The following EPHB2 variants were observed in gnomAD, a reference collection of about 807,000 sequenced individuals.
EPHB2 encodes EPH receptor B2.
Under a neutral mutation model 96.4 loss-of-function variants are expected in EPHB2, and 18 were observed. The observed-to-expected ratio is 0.19, with a 90% CI of 0.13 to 0.28. The LOEUF (loss-of-function observed/expected upper bound fraction) is 0.28. Among genes scored for constraint, EPHB2 ranks in the 10% least tolerant of loss-of-function variants. The probability of loss-of-function intolerance (pLI) is 1.00; values close to 1 mark genes in which losing one functional copy is unlikely to be tolerated. For missense variants in EPHB2, 989 were observed against 1,355.4 expected, an observed-to-expected ratio of 0.73 and a Z score of 4.25; for synonymous variants, 506 against 534.1, an observed-to-expected ratio of 0.95 and a Z score of 0.72.
At chr1:22,898,056 T>C (rs1472684801) in intron 9 of EPHB2, among the ~76,000 whole-genome samples, 1 of 147,764 alleles carries the variant, frequency 6.8e-6, no homozygotes, top group South Asian at 2.1e-4. Context: ...TGAGCCGAGG[T>C]TGCAGTGAGC....
intron 1 of EPHB2, among the ~76,000 whole-genome samples, chr1:22,736,165 G>A (rs1643823215): frequency 6.6e-6 from 1 of 152,196 alleles, no homozygotes; most frequent in Admixed American, 6.5e-5. Flanking sequence ...GAGTCGGGGG[G>A]CTGTGGAAGA....
chr1:22,756,214 G>C (rs1644147564), intron 1 of EPHB2, among the ~76,000 whole-genome samples: 1 of 152,172 alleles, frequency 6.6e-6, no homozygotes, highest in Non-Finnish European at 1.5e-5. Context: ...GCCCTGGGGA[G>C]CGACAGGCAG....
chr1:22,727,448 A>G (rs1443753564), intron 1 of EPHB2, among the ~76,000 whole-genome samples: 1 of 151,844 alleles, frequency 6.6e-6, no homozygotes, highest in Non-Finnish European at 1.5e-5. Flanking sequence ...TGCCCACTTC[A>G]CTCCTTGAGC....
At chr1:22,761,736 G>T (rs369238539) in intron 1 of EPHB2, among the ~76,000 whole-genome samples, 129 of 152,336 alleles carry the variant, frequency 8.5e-4, no homozygotes, top group African/African-American at 3.0e-3. Flanking sequence ...CCAATGCCCA[G>T]TTGAAGCAGT....
intron 3 of EPHB2, among the ~76,000 whole-genome samples, chr1:22,797,741 C>T (rs1644787644): frequency 6.6e-6 from 1 of 152,134 alleles, no homozygotes; most frequent in Non-Finnish European, 1.5e-5. Flanking sequence ...AAGCCAAGCT[C>T]CTAAAAATGG....
intron 1 of EPHB2, chr1:22,774,755 C>A: frequency 6.2e-6 from 2 of 324,126 alleles, no homozygotes; most frequent in Non-Finnish European, 8.9e-6. Flanking sequence ...AGGAACATCA[C>A]CCAGCTGCTG....
chr1:22,805,765 C>G (rs1340204850), intron 3 of EPHB2, among the ~76,000 whole-genome samples: 1 of 152,170 alleles, frequency 6.6e-6, no homozygotes, highest in Non-Finnish European at 1.5e-5. Flanking sequence ...GGAGAGGGAG[C>G]TCACTAGCGC....
chr1:22,873,319 G>A (rs1441583013), intron 5 of EPHB2, among the ~76,000 whole-genome samples: 1 of 152,168 alleles, frequency 6.6e-6, no homozygotes, highest in African/African-American at 2.4e-5. Flanking sequence ...CCCTGGAGGG[G>A]ACAACTGGAG....
rs916713865 is a variant in EPHB2, at chr1:22,720,660, T to TCC, written c.61+9629_61+9630dup. Among the ~76,000 whole-genome samples the TCC allele has an allele frequency of 4.8e-3, 273 of 57,308 alleles. 3 individuals are homozygous for TCC. The highest frequency in any genetic ancestry group is 0.015 in the African/African-American group (234 of 16,136). 37.6% of individuals were successfully genotyped at this position (57,308 alleles called of 152,430 possible). On this transcript the variant is annotated intron_variant, in intron 1 of 15. Transcript: ENST00000374630. ...GGCAACAGGAAGCCAGAAATCTCAT[T>TCC]CCCCCCCCCCCCCGCCCCAGCACTT...
chr1:22,884,115 G>C (rs1639143989), intron 6 of EPHB2, among the ~76,000 whole-genome samples: 3 of 152,174 alleles, frequency 2.0e-5, no homozygotes, highest in African/African-American at 7.2e-5. Flanking sequence ...ACCGCATGCG[G>C]GCGGAGGGTG....
At chr1:22,810,751 A>T (rs576339488) in intron 3 of EPHB2, among the ~76,000 whole-genome samples, 38 of 152,148 alleles carry the variant, frequency 2.5e-4, no homozygotes, top group Non-Finnish European at 3.4e-4. Flanking sequence ...TCCCACTCCC[A>T]TCCAGGCCCC....
rs1644669719 is a variant in EPHB2 at position 22,790,064 on chromosome 1, T to G, written c.811+4988T>G. ...AGAATATGAGGAAAAAGCCATCTTG[T>G]ATGACTGGGTATCTCAGAAGGCTTC... On this transcript the variant is annotated intron_variant, in intron 3 of 15. Transcript: ENST00000374630. This position sits in a 1 kb window ranked among gnomAD's most constrained non-coding sequence, Gnocchi z 4.0. Among the ~76,000 whole-genome samples, 1 of 152,136 alleles carries G rather than the reference T, an allele frequency of 6.6e-6. No homozygotes were observed. Among genetic ancestry groups the G allele is most frequent in the Non-Finnish European group, 1.5e-5 (1 of 68,008 alleles).
At chr1:22,714,173 C>T (rs889485750) in intron 1 of EPHB2, among the ~76,000 whole-genome samples, 5 of 152,134 alleles carry the variant, frequency 3.3e-5, no homozygotes, top group African/African-American at 7.2e-5. Context: ...AAAGAGTGGG[C>T]GAGACAGAGC....
At chr1:22,800,531 T>G (rs1252861872) in intron 3 of EPHB2, among the ~76,000 whole-genome samples, 1 of 152,200 alleles carries the variant, frequency 6.6e-6, no homozygotes, top group Non-Finnish European at 1.5e-5. Flanking sequence ...CCACTGCTGT[T>G]GAGTACGCTC....
chr1:22,827,192 C>A (rs1645236914), intron 3 of EPHB2, among the ~76,000 whole-genome samples: 1 of 152,246 alleles, frequency 6.6e-6, no homozygotes, highest in Admixed American at 6.5e-5. Flanking sequence ...GACCAGGCCA[C>A]CTGCAGAGAG....
chr1:22,869,130 G>T (rs573529547), intron 5 of EPHB2, among the ~76,000 whole-genome samples: 1 of 151,646 alleles, frequency 6.6e-6, no homozygotes, highest in South Asian at 2.1e-4. Flanking sequence ...CAAGCCCCTT[G>T]TCTTACAGCT....
chr1:22,751,774 C>A (rs111577355), intron 1 of EPHB2, among the ~76,000 whole-genome samples: 2,946 of 152,286 alleles, frequency 0.019, 104 homozygotes, highest in African/African-American at 0.067. Flanking sequence ...CACAGAAAGG[C>A]GGGAATGATG....
At chr1:22,736,922 C>T (rs1012242882) in intron 1 of EPHB2, among the ~76,000 whole-genome samples, 1 of 152,116 alleles carries the variant, frequency 6.6e-6, no homozygotes, top group African/African-American at 2.4e-5. Flanking sequence ...TCGGATCAGC[C>T]GCCACCTTGG....
At chr1:22,874,883 G>A (rs1638788092) in intron 5 of EPHB2, among the ~76,000 whole-genome samples, 1 of 152,172 alleles carries the variant, frequency 6.6e-6, no homozygotes, top group Admixed American at 6.5e-5. Flanking sequence ...GAACTATCAT[G>A]TGAGAAAAGG....
Sources: gnomAD v4.1 joint callset for allele counts (sites outside exome capture counted in the v4.1 genomes callset) on GRCh38, gnomAD v4.1.1 for gene constraint, Gnocchi (gnomAD v3.1) non-coding constraint, MANE v1.5 for transcripts, NCBI Gene and HGNC (gene_info 2026-07-23, HGNC 2026-07-21) for gene names.